FBXO34: variants seen among roughly 807,000 people sequenced by gnomAD.
The protein encoded by FBXO34 is F-box protein 34, also known as F-box only protein 34.
FBXO34 carries 12 observed loss-of-function variants against 24.5 expected under a neutral mutation model. The observed-to-expected ratio is 0.49, with a 90% CI of 0.31 to 0.79. FBXO34 has a LOEUF of 0.79. FBXO34 is among the 30% of genes least tolerant of loss of function. FBXO34 has a pLI of 0.04. For missense variants in FBXO34, 823 were observed against 857.7 expected, an observed-to-expected ratio of 0.96 and a Z score of 0.51; for synonymous variants, 320 against 311.9, an observed-to-expected ratio of 1.03 and a Z score of -0.27.
the FBXO34 span, among the ~76,000 whole-genome samples, chr14:55,415,834 C>G: frequency 1.3e-5 from 2 of 152,102 alleles, no homozygotes; most frequent in Non-Finnish European, 2.9e-5. Context: ...CCATTACACT[C>G]CAGCCTGGGC....
the FBXO34 span, among the ~76,000 whole-genome samples, chr14:55,420,494 A>G: frequency 1.3e-5 from 2 of 151,730 alleles, no homozygotes; most frequent in African/African-American, 4.8e-5. Flanking sequence ...TAGCATGAAC[A>G]GGTAAAACGC....
At chr14:55,298,203 G>A (rs1305085344) in intron 1 of FBXO34, among the ~76,000 whole-genome samples, 3 of 134,634 alleles carry the variant, frequency 2.2e-5, no homozygotes, top group Non-Finnish European at 3.3e-5. Context: ...AAAACACTGT[G>A]AGTTTTTTTT....
At chr14:55,320,934 A>G (rs1883112607) in intron 1 of FBXO34, among the ~76,000 whole-genome samples, 1 of 152,188 alleles carries the variant, frequency 6.6e-6, no homozygotes, top group African/African-American at 2.4e-5. Flanking sequence ...AATTAAAAAT[A>G]CCTCTGGTTC....
intron 1 of FBXO34, among the ~76,000 whole-genome samples, chr14:55,306,819 C>T (rs900685453): frequency 5.5e-5 from 7 of 128,304 alleles, no homozygotes; most frequent in Non-Finnish European, 9.8e-5. Context: ...GGTGACAAAG[C>T]GAGACTCCAT....
At chr14:55,346,608 G>T (rs1884168215) in intron 1 of FBXO34, among the ~76,000 whole-genome samples, 1 of 152,122 alleles carries the variant, frequency 6.6e-6, no homozygotes, top group South Asian at 2.1e-4. Context: ...AAGAGTAGTG[G>T]TCTAGAAACA....
downstream of FBXO34, among the ~76,000 whole-genome samples, chr14:55,365,237 A>C (rs562038485): frequency 3.8e-3 from 567 of 150,174 alleles, 3 homozygotes; most frequent in Admixed American, 9.3e-3. Flanking sequence ...AAAAAAAAAA[A>C]AAAAAAAACA....
rs559604933 is a variant in FBXO34, at chr14:55,283,555, C to A, written c.-11+12018C>A. ...TCTCAGCTCACTGCAACCTCCACCC[C>A]CTGGGTTCAAGCGATTCTCCTGCCT... is the stretch of plus-strand genomic sequence containing the variant. On this transcript the variant is annotated intron_variant, in intron 1 of 1. Coordinates refer to ENST00000313833, the MANE Select transcript of FBXO34 (RefSeq NM_017943.4). 2.6e-5 allele frequency among the ~76,000 whole-genome samples: 4 copies of A among 151,806 alleles called. No individual in the cohort carries two copies. In the South Asian group the frequency reaches 6.3e-4, roughly 24 times the overall value.
chr14:55,390,837 C>A, the FBXO34 span: 2 of 1,043,682 alleles, frequency 1.9e-6, no homozygotes, highest in East Asian at 2.7e-5. Context: ...TTCTGTGTCC[C>A]TCTAGTTTAT....
chr14:55,288,570 TATTTC>T (rs1312769092), intron 1 of FBXO34, among the ~76,000 whole-genome samples: 1 of 152,240 alleles, frequency 6.6e-6, no homozygotes, highest in Non-Finnish European at 1.5e-5. Context: ...ATCCTCATTT[TATTTC>T]AGTCTGATTC....
the FBXO34 span, among the ~76,000 whole-genome samples, chr14:55,415,147 T>G: frequency 1.3e-5 from 2 of 152,200 alleles, no homozygotes; most frequent in Non-Finnish European, 2.9e-5. Flanking sequence ...TGCAGGCACG[T>G]TGTGCTAAGG....
the FBXO34 span, among the ~76,000 whole-genome samples, chr14:55,382,526 G>T: frequency 3.9e-5 from 6 of 152,180 alleles, no homozygotes; most frequent in African/African-American, 1.4e-4. Context: ...GTCTCACTTT[G>T]TTGCCCAGGC....
the FBXO34 span, among the ~76,000 whole-genome samples, chr14:55,396,381 G>A: frequency 6.6e-6 from 1 of 152,172 alleles, no homozygotes; most frequent in Non-Finnish European, 1.5e-5. Context: ...ATGTTCTATG[G>A]GAAAAATAAA....
chr14:55,305,819 G>A (rs559142308), intron 1 of FBXO34, among the ~76,000 whole-genome samples: 4 of 152,148 alleles, frequency 2.6e-5, no homozygotes, highest in African/African-American at 9.7e-5. Context: ...CATTTCTCCC[G>A]GTTACTGCAA....
intron 1 of FBXO34, among the ~76,000 whole-genome samples, chr14:55,311,219 GA>G (rs781761483): frequency 3.3e-5 from 5 of 152,142 alleles, no homozygotes; most frequent in Non-Finnish European, 7.3e-5. Context: ...AACACAGGAG[GA>G]ACTAGCAAAC....
At chr14:55,399,944 T>C in the FBXO34 span, among the ~76,000 whole-genome samples, 17 of 152,206 alleles carry the variant, frequency 1.1e-4, no homozygotes, top group African/African-American at 3.1e-4. Flanking sequence ...CTTACAAATA[T>C]ACAGATGGCA....
At chr14:55,280,704 T>C (rs1269332268) in intron 1 of FBXO34, among the ~76,000 whole-genome samples, 1 of 151,934 alleles carries the variant, frequency 6.6e-6, no homozygotes, top group Admixed American at 6.6e-5. Context: ...TTTTTTGTAT[T>C]TTTAGTAGAG....
intron 3 of FBXO34, among the ~76,000 whole-genome samples, chr14:55,360,772 C>T (rs557823344): frequency 4.6e-5 from 7 of 152,060 alleles, no homozygotes; most frequent in South Asian, 2.1e-4. Flanking sequence ...CCTAGGCGGG[C>T]GGATCACCTG....
At chr14:55,281,564 T>A (rs1298548596) in intron 1 of FBXO34, among the ~76,000 whole-genome samples, 2 of 152,210 alleles carry the variant, frequency 1.3e-5, no homozygotes, top group Non-Finnish European at 2.9e-5. Context: ...CTTCATTTTC[T>A]GGGACTCCCT....
At chr14:55,400,821 T>G in the FBXO34 span, among the ~76,000 whole-genome samples, 22 of 152,076 alleles carry the variant, frequency 1.4e-4, no homozygotes, top group African/African-American at 4.8e-4. Flanking sequence ...GGAGAATTGC[T>G]TGAACCCGGG....
Sources: allele counts gnomAD v4.1 joint callset (sites outside exome capture counted in the v4.1 genomes callset), GRCh38; gene constraint gnomAD v4.1.1; transcripts MANE v1.5; gene names NCBI Gene and HGNC (gene_info 2026-07-23, HGNC 2026-07-21).